UNC5D: variants seen among roughly 807,000 people sequenced by gnomAD.
UNC5D encodes unc-5 netrin receptor D, also known as netrin receptor UNC5D.
UNC5D carries 39 observed loss-of-function variants against 105.4 expected under a neutral mutation model. The ratio of observed to expected loss-of-function variants is 0.37; its 90% confidence interval spans 0.29 to 0.48. The LOEUF is 0.48. UNC5D is among the 20% of genes least tolerant of loss of function. The pLI, the probability that UNC5D is intolerant of heterozygous loss-of-function variation, is 0.98. For synonymous variants in UNC5D, 452 were observed against 450.4 expected, an observed-to-expected ratio of 1.00 and a Z score of -0.04; for missense variants, 991 against 1,202.4, an observed-to-expected ratio of 0.82 and a Z score of 2.60.
chr8:35,713,701 C>T lies in UNC5D; in HGVS notation c.1117+7740C>T, dbSNP rs148076887. On this transcript the variant is annotated intron_variant, in intron 8 of 16. Transcript: ENST00000404895. The stretch of plus-strand genomic sequence containing the variant: ...TATCAAAAATATTTTATAAAATAGA[C>T]GACCTTTGTTGCCAACCTTGGAAGG... 2.3e-4 allele frequency among the ~76,000 whole-genome samples: 35 copies of T among 152,210 alleles called. 1 individual carries two copies. Among genetic ancestry groups the T allele is most frequent in the South Asian group, 2.1e-4 (1 of 4,824 alleles).
At position 35,235,815 on chromosome 8, in the gene UNC5D, G is replaced by A. The variant is rs1039798547; in HGVS notation, c.31G>A (p.Gly11Ser). Residue 11 changes from glycine (G) to serine (S), a missense_variant, in exon 1 of 17, where the codon GGC becomes AGC. This residue lies in a region of UNC5D where 944 missense variants were observed against 1,131.6 expected (regional missense o/e 0.83). Coordinates refer to ENST00000404895, the MANE Select transcript of UNC5D (RefSeq NM_080872.4). ...GAGAGCGGCGGCCACCGCAGGCGGC[G>A]GCGGAGGGGCGCGCCGCTGGCTCCC... Reference protein sequence around the residue: MGRAAATAGGGGGARRWLPWL... With the variant: MGRAAATAGGSGGARRWLPWL... 1.6e-6 allele frequency: 2 copies of A among 1,230,000 alleles called. No homozygotes were observed. The highest frequency in any genetic ancestry group is 3.2e-5 in the East Asian group (1 of 31,498). 76.2% of individuals were successfully genotyped at this position (1,230,000 alleles called of 1,614,324 possible).
Position 35,381,820 on chromosome 8 carries a change from C to A in UNC5D, c.103+145933C>A, listed in dbSNP as rs139439659. On this transcript the variant is annotated intron_variant, in intron 1 of 16. Transcript: ENST00000404895. ...AGTCACACTGTGTTTTGCACACCTGCGTAGGCTTGACTTAGCAGAGCCGGT... is the reference window on the plus strand; with the variant it reads ...AGTCACACTGTGTTTTGCACACCTGAGTAGGCTTGACTTAGCAGAGCCGGT... Among the ~76,000 whole-genome samples the A allele has an allele frequency of 3.5e-4, 54 of 152,286 alleles. No homozygotes were observed. The East Asian group carries it at 9.7e-3, about 27-fold the overall frequency.
intron 3 of UNC5D, among the ~76,000 whole-genome samples, chr8:35,571,555 G>A (rs2589338): frequency 0.48 from 73,293 of 151,914 alleles, 21,305 homozygotes; most frequent in African/African-American, 0.83. Flanking sequence ...GGGTGGGGGA[G>A]TTGCCTTTAG....
intron 3 of UNC5D, among the ~76,000 whole-genome samples, chr8:35,568,616 G>C (rs991573703): frequency 6.6e-6 from 1 of 152,232 alleles, no homozygotes; most frequent in Non-Finnish European, 1.5e-5. Context: ...TTGAACCCAG[G>C]AGGTGGAGGT....
intron 1 of UNC5D, among the ~76,000 whole-genome samples, chr8:35,245,092 A>T (rs1364703771): frequency 6.6e-6 from 1 of 152,136 alleles, no homozygotes; most frequent in South Asian, 2.1e-4. Context: ...CAATCTGCGT[A>T]CTTTTCTAAA....
chr8:35,549,718 T>A (rs1463896632), intron 2 of UNC5D, among the ~76,000 whole-genome samples: 2 of 152,162 alleles, frequency 1.3e-5, no homozygotes, highest in African/African-American at 2.4e-5. Flanking sequence ...TGCAGAGGCA[T>A]TTTTTTCTTG....
At chr8:35,285,030 T>C (rs762209089) in intron 1 of UNC5D, among the ~76,000 whole-genome samples, 1 of 152,212 alleles carries the variant, frequency 6.6e-6, no homozygotes, top group African/African-American at 2.4e-5. Flanking sequence ...GGCTTTGAGA[T>C]AGATACCAAT....
At chr8:35,381,651 GT>G (rs34775747) in intron 1 of UNC5D, among the ~76,000 whole-genome samples, 8,094 of 152,092 alleles carry the variant, frequency 0.053, 255 homozygotes, top group African/African-American at 0.087. Flanking sequence ...TCTCGTGCAT[GT>G]TTTTTTTCCC....
intron 1 of UNC5D, among the ~76,000 whole-genome samples, chr8:35,478,733 T>C (rs1241751818): frequency 6.6e-6 from 1 of 152,192 alleles, no homozygotes; most frequent in Non-Finnish European, 1.5e-5. Context: ...TTAATAACAT[T>C]AAACATTCTA....
chr8:35,726,336 T>A lies in UNC5D; in HGVS notation c.1488T>A (p.Ser496=). 6.2e-7 allele frequency: 1 copy of A among 1,614,088 alleles called. No individual in the cohort carries two copies. Among genetic ancestry groups the A allele is most frequent in the Non-Finnish European group, 8.5e-7 (1 of 1,180,002 alleles). Reference sequence around the variant, plus strand: ...CGTTCATGGTTTCCCTGGGAGTGTCTGAGAGAGCTGAGTACCACGGCAAGA... The same window carrying A: ...CGTTCATGGTTTCCCTGGGAGTGTCAGAGAGAGCTGAGTACCACGGCAAGA... ...QSSFMVSLGV[S]ERAEYHGKNH... is the part of the protein sequence containing the mutation. The change falls in exon 10 of 17, where the codon TCT becomes TCA. Residue 496 remains serine, a synonymous_variant. Transcript: ENST00000404895.
At chr8:35,339,759 T>C (rs1811323798) in intron 1 of UNC5D, among the ~76,000 whole-genome samples, 1 of 152,214 alleles carries the variant, frequency 6.6e-6, no homozygotes, top group African/African-American at 2.4e-5. Flanking sequence ...AGCAGGTTTA[T>C]CTGGGGAGCC....
In UNC5D at chr8:35,289,656, G is replaced by A. The variant is rs990261782; in HGVS notation, c.103+53769G>A. ...ATGAAAATAATACGTGTGATAACAG[G>A]TTAACATCCAAAATATATAATGAAC... On this transcript the variant is annotated intron_variant, in intron 1 of 16. Transcript: ENST00000404895. 2.6e-5 allele frequency among the ~76,000 whole-genome samples: 4 copies of A among 152,150 alleles called. No individual in the cohort carries two copies. In the South Asian group the frequency reaches 6.2e-4, roughly 24 times the overall value.
intron 4 of UNC5D, among the ~76,000 whole-genome samples, chr8:35,651,100 A>C (rs2131180986): frequency 6.6e-6 from 1 of 152,246 alleles, no homozygotes; most frequent in East Asian, 1.9e-4. Context: ...GTGTTGTTTA[A>C]AGGAAAGAGC....
At chr8:35,755,325 C>T (rs143824686) in intron 13 of UNC5D, among the ~76,000 whole-genome samples, 69 of 152,228 alleles carry the variant, frequency 4.5e-4, no homozygotes, top group African/African-American at 1.4e-3. Flanking sequence ...TCTTGGTACT[C>T]ATTACTTACT....
chr8:35,573,221 T>C (rs1161307575), intron 3 of UNC5D, among the ~76,000 whole-genome samples: 1 of 152,192 alleles, frequency 6.6e-6, no homozygotes, highest in Non-Finnish European at 1.5e-5. Context: ...TTGGAAAATG[T>C]TGATTTAACC....
chr8:35,702,065 A>G (rs1030968769), intron 7 of UNC5D, among the ~76,000 whole-genome samples: 89 of 152,216 alleles, frequency 5.8e-4, no homozygotes, highest in African/African-American at 2.0e-3. Flanking sequence ...CAAAAAGATT[A>G]TAAGACTGAG....
chr8:35,426,230 G>A (rs1806238667), intron 1 of UNC5D, among the ~76,000 whole-genome samples: 1 of 152,040 alleles, frequency 6.6e-6, no homozygotes, highest in East Asian at 1.9e-4. Context: ...GAGTAATTGA[G>A]TTCTTTCAAC....
In UNC5D at chr8:35,595,619, C is replaced by T; in HGVS notation, c.532C>T (p.Leu178=). The T allele has an allele frequency of 6.2e-7, 1 of 1,614,090 alleles. No individual in the cohort carries two copies. The highest frequency in any genetic ancestry group is 8.5e-7 in the Non-Finnish European group (1 of 1,179,982). ...REVPIEGMIV[L]HCRPPEGVPA... is the part of the protein sequence containing the mutation. ...AGTTCCCATTGAAGGCATGATTGTA[C>T]TGCACTGCCGCCCACCAGAGGGAGT... The change falls in exon 4 of 17, where the codon CTG becomes TTG. Residue 178 remains leucine (L), a synonymous_variant. Coordinates refer to ENST00000404895, the MANE Select transcript of UNC5D (RefSeq NM_080872.4).
At chr8:35,787,729 T>G (rs1236742254) in intron 16 of UNC5D, among the ~76,000 whole-genome samples, 1 of 152,132 alleles carries the variant, frequency 6.6e-6, no homozygotes, top group Non-Finnish European at 1.5e-5. Flanking sequence ...GTGATCCTCC[T>G]ACTGGAACCT....
Sources: gnomAD v4.1 joint callset for allele counts (sites outside exome capture counted in the v4.1 genomes callset) on GRCh38, gnomAD v4.1.1 for gene constraint, gnomAD v4.1.1 regional missense constraint, MANE v1.5 for transcripts, NCBI Gene and HGNC (gene_info 2026-07-23, HGNC 2026-07-21) for gene names.